The following GRM5 variants were observed in gnomAD, a reference collection of about 807,000 sequenced individuals.
The protein encoded by GRM5 is glutamate metabotropic receptor 5.
Under a neutral mutation model 83.1 loss-of-function variants are expected in GRM5, and 19 were observed. The observed-to-expected ratio is 0.23, with a 90% confidence interval of 0.16 to 0.34. The LOEUF is 0.34. GRM5 is among the 10% of genes least tolerant of loss of function. The pLI, the probability that GRM5 is intolerant of heterozygous loss-of-function variation, is 1.00. For synonymous variants in GRM5, 675 were observed against 633.6 expected, an observed-to-expected ratio of 1.07 and a Z score of -0.98; for missense variants, 1,160 against 1,588.3, an observed-to-expected ratio of 0.73 and a Z score of 4.58.
At chr11:88,959,856 G>A (rs1938730913) in intron 2 of GRM5, among the ~76,000 whole-genome samples, 1 of 152,156 alleles carries the variant, frequency 6.6e-6, no homozygotes, top group Non-Finnish European at 1.5e-5. Flanking sequence ...AAATCATGAA[G>A]GCAAACAAAG....
At chr11:88,904,860 T>C (rs960667230) in intron 2 of GRM5, among the ~76,000 whole-genome samples, 1 of 152,190 alleles carries the variant, frequency 6.6e-6, no homozygotes, top group Non-Finnish European at 1.5e-5. Context: ...GAGGTATTTA[T>C]TGGAAAAATG....
At chr11:88,568,014 T>C in intron 7 of GRM5, 22 bp from the exon 8 acceptor site, 1 of 1,504,066 alleles carries the variant, frequency 6.6e-7, no homozygotes, top group Non-Finnish European at 9.2e-7. Context: ...CAAACACATA[T>C]TGTAAAGGAG....
At chr11:88,966,317 A>T (rs1938959858) in intron 2 of GRM5, among the ~76,000 whole-genome samples, 1 of 152,132 alleles carries the variant, frequency 6.6e-6, no homozygotes, top group Non-Finnish European at 1.5e-5. Context: ...TAGCTTAACA[A>T]ATTAGAGAAT....
At chr11:88,569,489 G>A (rs898519540) in intron 7 of GRM5, among the ~76,000 whole-genome samples, 2 of 152,238 alleles carry the variant, frequency 1.3e-5, no homozygotes, top group Non-Finnish European at 2.9e-5. Flanking sequence ...GCTGTGAAAT[G>A]TGGCATAGGA....
intron 3 of GRM5, among the ~76,000 whole-genome samples, chr11:88,776,416 T>TG (rs779731176): frequency 1.3e-5 from 2 of 152,218 alleles, no homozygotes; most frequent in Admixed American, 1.3e-4. Flanking sequence ...ATCTTTTAAT[T>TG]GGGGCATTTA....
At chr11:88,851,338 G>T (rs1419274888) in intron 2 of GRM5, among the ~76,000 whole-genome samples, 1 of 152,110 alleles carries the variant, frequency 6.6e-6, no homozygotes, top group African/African-American at 2.4e-5. Flanking sequence ...GAACATATAA[G>T]GATGTGACTG....
chr11:88,627,146 A>G (rs1938822477), intron 4 of GRM5, among the ~76,000 whole-genome samples: 1 of 152,266 alleles, frequency 6.6e-6, no homozygotes, highest in Non-Finnish European at 1.5e-5. Flanking sequence ...AAGTGAAGAA[A>G]GAGAGTTTAA....
intron 2 of GRM5, among the ~76,000 whole-genome samples, chr11:88,898,006 GTCTCACAGT>G (rs1165257093): frequency 2.0e-5 from 3 of 151,940 alleles, no homozygotes; most frequent in African/African-American, 7.2e-5. Context: ...CAGAAATACT[GTCTCACAGT>G]TCTGGAGGCT....
chr11:88,961,362 AT>A (rs5793371), intron 2 of GRM5, among the ~76,000 whole-genome samples: 57,767 of 144,158 alleles, frequency 0.4, 11,268 homozygotes, highest in Non-Finnish European at 0.45. Context: ...ATGTTACAGC[AT>A]TTTTTTTTTT....
chr11:89,052,375 C>T (rs1271504993), intron 1 of GRM5, among the ~76,000 whole-genome samples: 1 of 152,018 alleles, frequency 6.6e-6, no homozygotes, highest in Non-Finnish European at 1.5e-5. Context: ...GAAAAGGAGT[C>T]AACCCAAAAA....
At chr11:88,725,221 A>C (rs1941647699) in intron 3 of GRM5, among the ~76,000 whole-genome samples, 2 of 152,114 alleles carry the variant, frequency 1.3e-5, no homozygotes, top group Admixed American at 1.3e-4. Context: ...ACCATTATCA[A>C]GGCTTGAGTA....
At chr11:88,645,308 T>C (rs1939413791) in intron 4 of GRM5, among the ~76,000 whole-genome samples, 1 of 152,066 alleles carries the variant, frequency 6.6e-6, no homozygotes, top group Non-Finnish European at 1.5e-5. Context: ...GTGAGAAAAT[T>C]AAAGTCAAAG....
At chr11:88,787,445 G>A (rs1356122018) in intron 3 of GRM5, among the ~76,000 whole-genome samples, 1 of 152,050 alleles carries the variant, frequency 6.6e-6, no homozygotes, top group East Asian at 1.9e-4. Context: ...GACATGATAA[G>A]GCATTTGGAT....
rs2135073115 is a variant in GRM5, at chr11:88,509,256, G to A, written c.2975C>T (p.Ser992Phe). 1 of 1,487,394 alleles carries A rather than the reference G, an allele frequency of 6.7e-7. No homozygotes were observed. Among genetic ancestry groups the A allele is most frequent in the Non-Finnish European group, 8.9e-7 (1 of 1,122,308 alleles). The allele number at this position is 1,487,394 out of a possible 1,614,324, so 92.1% of individuals were successfully genotyped here. A position where few individuals can be genotyped will look rare whatever the true frequency, so the allele number is the denominator to read the frequency against. The change falls in exon 10 of 10, where the codon TCC (serine) becomes TTC (phenylalanine). Residue 992 changes from serine (S) to phenylalanine (F), a missense_variant. Ser to Phe is a radical substitution (Grantham distance 155, BLOSUM62 -2). Transcript: ENST00000305447. ...CAGAGPGGPE[S>F]PDAGPKALYD... ...CAGCGCCTTGGGGCCGGCGTCTGGG[G>A]ACTCGGGCCCGCCTGGGCCGGCGCC...
Position 88,508,660 on chromosome 11 carries a change from T to C in GRM5, c.3571A>G (p.Ile1191Val). 6.2e-7 allele frequency: 1 copy of C among 1,609,518 alleles called. No homozygotes were observed. The highest frequency in any genetic ancestry group is 1.1e-5 in the South Asian group (1 of 91,018). ...NSPVSESALC[I>V]PSSPKYDTLI... ...GTGTCATATTTGGGAGACGACGGGA[T>C]ACAGAGGGCCGACTCGGACACTGGC... The change falls in exon 10 of 10, where the codon ATC (isoleucine) becomes GTC (valine). Residue 1191 changes from isoleucine (I) to valine (V), a missense_variant. Coordinates refer to ENST00000305447, the MANE Select transcript of GRM5 (RefSeq NM_001143831.3). This position sits in a 1 kb window ranked among gnomAD's most constrained non-coding sequence, Gnocchi z 4.2.
chr11:89,062,982 A>G (rs1034019001), intron 1 of GRM5, among the ~76,000 whole-genome samples: 7 of 152,272 alleles, frequency 4.6e-5, no homozygotes, highest in African/African-American at 1.7e-4. Flanking sequence ...GCTGGTGTTC[A>G]AAGAGAGGCA....
At chr11:88,962,674 C>T (rs548377121) in intron 2 of GRM5, among the ~76,000 whole-genome samples, 1 of 152,100 alleles carries the variant, frequency 6.6e-6, no homozygotes, top group Non-Finnish European at 1.5e-5. Flanking sequence ...ATACAAGGAA[C>T]ACTAAAATGA....
intron 2 of GRM5, among the ~76,000 whole-genome samples, chr11:88,872,192 A>G (rs1452086125): frequency 6.6e-6 from 1 of 151,568 alleles, no homozygotes; most frequent in African/African-American, 2.4e-5. Context: ...AGAAGATATC[A>G]TATTATCATA....
In GRM5 at chr11:88,982,302, C is replaced by T. The variant is rs564348602; in HGVS notation, c.661+64910G>A. Among the ~76,000 whole-genome samples, 24 of 152,140 alleles carry T rather than the reference C, an allele frequency of 1.6e-4. No homozygotes were observed. In the East Asian group the frequency reaches 3.7e-3, roughly 23 times the overall value. ...ATTTATGTGAACAGTATTTCATAGCCCTTACATTTATAATACAATCTAAAA... is the reference window on the plus strand; with the variant it reads ...ATTTATGTGAACAGTATTTCATAGCTCTTACATTTATAATACAATCTAAAA... On this transcript the variant is annotated intron_variant, in intron 2 of 9. Transcript: ENST00000305447.
Sources: gnomAD v4.1 joint callset for allele counts (sites outside exome capture counted in the v4.1 genomes callset) on GRCh38, gnomAD v4.1.1 for gene constraint, Gnocchi (gnomAD v3.1) non-coding constraint, MANE v1.5 for transcripts, NCBI Gene and HGNC (gene_info 2026-07-23, HGNC 2026-07-21) for gene names.